Variants in ARHGAP17 observed in about 807,000 individuals in gnomAD.
ARHGAP17 encodes the protein Rho GTPase activating protein 17.
ARHGAP17 carries 57 observed loss-of-function variants against 99.5 expected under a neutral mutation model. The ratio of observed to expected loss-of-function variants is 0.57; its 90% CI spans 0.46 to 0.71. ARHGAP17 has a LOEUF of 0.71. Among genes scored for constraint, ARHGAP17 ranks in the 30% least tolerant of loss-of-function variants. The pLI, the probability that ARHGAP17 is intolerant of heterozygous loss-of-function variation, is 0.00. For missense variants in ARHGAP17, 1,000 were observed against 1,122.4 expected, an observed-to-expected ratio of 0.89 and a Z score of 1.56; for synonymous variants, 417 against 429.6, an observed-to-expected ratio of 0.97 and a Z score of 0.36.
intron 1 of ARHGAP17, among the ~76,000 whole-genome samples, chr16:24,982,599 C>G (rs1366462898): frequency 6.6e-6 from 1 of 152,112 alleles, no homozygotes; most frequent in Non-Finnish European, 1.5e-5. Flanking sequence ...GGCCTTGGTA[C>G]TGTCTCCATC....
At position 25,015,366 on chromosome 16, in the gene ARHGAP17, G is replaced by C; in HGVS notation, c.-105C>G. Reference sequence around the variant, plus strand: ...CGGCCCAAACGGCGGCGCGGCGGTGGCTCCCCGGGCCGGCGGCCCCGCCCT... The same window carrying C: ...CGGCCCAAACGGCGGCGCGGCGGTGCCTCCCCGGGCCGGCGGCCCCGCCCT... On this transcript the variant is annotated 5_prime_UTR_variant, in exon 1 of 20. Coordinates refer to ENST00000289968, the MANE Select transcript of ARHGAP17 (RefSeq NM_001006634.3). 1 of 1,074,914 alleles carries C rather than the reference G, an allele frequency of 9.3e-7. No individual in the cohort carries two copies. The highest frequency in any genetic ancestry group is 4.4e-5 in the South Asian group (1 of 22,848). The allele number at this position is 1,074,914 out of a possible 1,614,324, so 66.6% of individuals were successfully genotyped here.
At chr16:24,936,048 G>A (rs965925130) in intron 17 of ARHGAP17, 5 of 308,250 alleles carry the variant, frequency 1.6e-5, no homozygotes, top group South Asian at 5.8e-5. Flanking sequence ...CAACCAATGC[G>A]GAGTTTTCAG....
At chr16:24,966,002 G>A (rs1194620133) in intron 6 of ARHGAP17, among the ~76,000 whole-genome samples, 4 of 152,218 alleles carry the variant, frequency 2.6e-5, no homozygotes, top group Non-Finnish European at 5.9e-5. Context: ...GCAAGATCAA[G>A]AATCAGTATT....
chr16:24,988,037 T>A (rs571931406), intron 1 of ARHGAP17, among the ~76,000 whole-genome samples: 8 of 152,198 alleles, frequency 5.3e-5, no homozygotes, highest in Non-Finnish European at 1.0e-4. Flanking sequence ...TCTGATTTTG[T>A]GCAACACTGT....
rs181509138 is a variant in ARHGAP17 at position 24,937,286 on chromosome 16, G to T, written c.1725-1647C>A. Among the ~76,000 whole-genome samples, 80 of 152,156 alleles carry T rather than the reference G, an allele frequency of 5.3e-4. 1 individual carries two copies. Among genetic ancestry groups the T allele is most frequent in the Non-Finnish European group, 8.8e-4 (60 of 67,996 alleles). The stretch of plus-strand genomic sequence containing the variant: ...AAAATACAAAAATTAGCCAGGCATG[G>T]TGGTCCATGCCTGTAATCCCAGCTA... On this transcript the variant is annotated intron_variant, in intron 17 of 19. Transcript: ENST00000289968.
chr16:24,993,189 A>C (rs1228900989), intron 1 of ARHGAP17, among the ~76,000 whole-genome samples: 4 of 152,200 alleles, frequency 2.6e-5, no homozygotes, highest in Non-Finnish European at 4.4e-5. Flanking sequence ...AATTAATAGT[A>C]ATATTTTGCA....
intron 14 of ARHGAP17, among the ~76,000 whole-genome samples, chr16:24,944,774 G>A (rs1379966306): frequency 2.0e-5 from 3 of 151,774 alleles, no homozygotes; most frequent in Non-Finnish European, 2.9e-5. Context: ...CTGCCACCGC[G>A]CCCAGCTAAT....
intron 19 of ARHGAP17, among the ~76,000 whole-genome samples, chr16:24,925,251 T>G (rs1413942477): frequency 6.6e-6 from 1 of 152,156 alleles, no homozygotes; most frequent in Admixed American, 6.5e-5. Context: ...TTGCCACACC[T>G]GCCTATAATC....
At chr16:25,000,804 T>C (rs1463506620) in intron 1 of ARHGAP17, among the ~76,000 whole-genome samples, 1 of 152,236 alleles carries the variant, frequency 6.6e-6, no homozygotes, top group East Asian at 1.9e-4. Context: ...TTGCAATTGT[T>C]TTCTCCATAT....
intron 12 of ARHGAP17, among the ~76,000 whole-genome samples, chr16:24,951,606 C>G (rs1375027419): frequency 6.6e-6 from 1 of 152,170 alleles, no homozygotes; most frequent in Non-Finnish European, 1.5e-5. Flanking sequence ...CTTCAACCTA[C>G]TCGACATGAA....
At chr16:25,009,104 G>A (rs939498951) in intron 1 of ARHGAP17, among the ~76,000 whole-genome samples, 4 of 152,308 alleles carry the variant, frequency 2.6e-5, no homozygotes, top group Middle Eastern at 3.4e-3. Context: ...GGTGGCTCAC[G>A]CCTGTAACCC....
chr16:24,937,145 G>A (rs1042766742), intron 17 of ARHGAP17, among the ~76,000 whole-genome samples: 1 of 150,932 alleles, frequency 6.6e-6, no homozygotes, highest in Non-Finnish European at 1.5e-5. Flanking sequence ...AAAACAGGCC[G>A]GGGCAGTAGC....
intron 18 of ARHGAP17, among the ~76,000 whole-genome samples, chr16:24,932,480 C>A (rs972584762): frequency 1.3e-5 from 2 of 151,980 alleles, no homozygotes; most frequent in African/African-American, 4.8e-5. Context: ...GGCAGAACAG[C>A]CAGGAGGGAC....
At chr16:24,926,099 G>A (rs1286889308) in intron 19 of ARHGAP17, among the ~76,000 whole-genome samples, 1 of 134,490 alleles carries the variant, frequency 7.4e-6, no homozygotes, top group Non-Finnish European at 1.5e-5. Context: ...AACAGAGTGA[G>A]ACTCCGTCTG....
At chr16:24,981,680 A>G (rs979920921) in intron 1 of ARHGAP17, among the ~76,000 whole-genome samples, 15 of 152,168 alleles carry the variant, frequency 9.9e-5, no homozygotes, top group African/African-American at 3.4e-4. Context: ...GTCTTTTACT[A>G]TATTATTTGA....
intron 16 of ARHGAP17, chr16:24,940,043 G>T: frequency 5.6e-6 from 1 of 179,838 alleles, no homozygotes; most frequent in Non-Finnish European, 1.2e-5. Context: ...CTCAGCCTCT[G>T]GAGCAGCTTG....
At chr16:24,985,756 T>A (rs1193081920) in intron 1 of ARHGAP17, among the ~76,000 whole-genome samples, 1 of 152,096 alleles carries the variant, frequency 6.6e-6, no homozygotes, top group African/African-American at 2.4e-5. Flanking sequence ...CTACTTCAGG[T>A]CCAAATGTCA....
intron 1 of ARHGAP17, among the ~76,000 whole-genome samples, chr16:24,982,985 T>TATAC (rs1199830381): frequency 6.7e-5 from 2 of 29,724 alleles, no homozygotes; most frequent in African/African-American, 3.3e-4. Flanking sequence ...TATATATATA[T>TATAC]ATATATATAT....
At chr16:24,999,034 C>T (rs890229307) in intron 1 of ARHGAP17, among the ~76,000 whole-genome samples, 3 of 152,190 alleles carry the variant, frequency 2.0e-5, no homozygotes, top group East Asian at 3.9e-4. Context: ...CAGTGCCCAC[C>T]GCCATCACAG....
Sources: allele counts gnomAD v4.1 joint callset (sites outside exome capture counted in the v4.1 genomes callset), GRCh38; gene constraint gnomAD v4.1.1; transcripts MANE v1.5; gene names NCBI Gene and HGNC (gene_info 2026-07-23, HGNC 2026-07-21).